IDH3B: variants seen among roughly 807,000 people sequenced by gnomAD.
The protein encoded by IDH3B is isocitrate dehydrogenase (NAD(+)) 3 non-catalytic subunit beta, also known as isocitrate dehydrogenase [NAD] subunit beta, mitochondrial.
IDH3B carries 40 observed loss-of-function variants against 47.5 expected under a neutral mutation model. That is an observed-to-expected ratio of 0.84 (90% CI 0.65 to 1.10). The LOEUF (loss-of-function observed/expected upper bound fraction) is 1.10, where lower values mean the gene tolerates loss of function less well. Among genes scored for constraint, IDH3B ranks in the 50% least tolerant of loss-of-function variants. IDH3B has a pLI of 0.00. For synonymous variants in IDH3B, 185 were observed against 191.0 expected (o/e 0.97, Z 0.26); for missense variants, 450 against 505.2 (o/e 0.89, Z 1.05).
chr20:2,658,748 G>A lies in IDH3B; in HGVS notation c.*3C>T, dbSNP rs761002244. The A allele has an allele frequency of 8.1e-6, 13 of 1,614,078 alleles. No individual in the cohort carries two copies. Among genetic ancestry groups the A allele is most frequent in the Non-Finnish European group, 1.0e-5 (12 of 1,180,050 alleles). ...CTTGCAAGGTTGGAAGAAATAAAGG[G>A]CTCTAGCTCCCTTTAGTCTGCAGGT... On this transcript the variant is annotated 3_prime_UTR_variant, in exon 12 of 12. Coordinates refer to ENST00000380843, the MANE Select transcript of IDH3B (RefSeq NM_006899.5).
At position 2,660,959 on chromosome 20, in the gene IDH3B, A is replaced by G. The variant is rs150756817; in HGVS notation, c.348T>C (p.His116=). The change falls in exon 5 of 12, where the codon CAT becomes CAC. Residue 116 remains histidine (H), a synonymous_variant. Coordinates refer to ENST00000380843, the MANE Select transcript of IDH3B (RefSeq NM_006899.5). The surrounding 1 kb of genome is among the most constrained non-coding windows in gnomAD (Gnocchi z 5.6). ...GCTCCCCCTTATACTCCATCGGGGTATGAATCTTTCCTGTGAAAACAAAGT... is the reference window on the plus strand; with the variant it reads ...GCTCCCCCTTATACTCCATCGGGGTGTGAATCTTTCCTGTGAAAACAAAGT... ...ENKVAIIGKI[H]TPMEYKGELA... is the part of the protein sequence containing the mutation. 31 of 1,613,960 alleles carry G rather than the reference A, an allele frequency of 1.9e-5. No homozygotes were observed. The highest frequency in any genetic ancestry group is 2.7e-5 in the African/African-American group (2 of 74,896).
At position 2,658,437 on chromosome 20, in the gene IDH3B, A is replaced by G; in HGVS notation, c.*314T>C. On this transcript the variant is annotated 3_prime_UTR_variant, in exon 12 of 12. Coordinates refer to ENST00000380843, the MANE Select transcript of IDH3B (RefSeq NM_006899.5). ...TTGAACACCTTACATGGGTATGGACAGGGCCTATGGGTGGGGCAAGGCAGC... is the reference window on the plus strand; with the variant it reads ...TTGAACACCTTACATGGGTATGGACGGGGCCTATGGGTGGGGCAAGGCAGC... The G allele has an allele frequency of 1.2e-6, 2 of 1,614,092 alleles. No homozygotes were observed. The highest frequency in any genetic ancestry group is 1.7e-6 in the Non-Finnish European group (2 of 1,179,958).
intron 11 of IDH3B, 108 bp from the exon 12 acceptor site, chr20:2,658,945 G>GA (rs765642736): frequency 1.9e-6 from 3 of 1,548,534 alleles, no homozygotes; most frequent in East Asian, 4.7e-5. Flanking sequence ...GTGACAGCCA[G>GA]AAAAAAGGCA....
intron 9 of IDH3B, 83 bp downstream of exon 9, chr20:2,659,947 A>G (rs1286605249): frequency 1.9e-6 from 3 of 1,571,740 alleles, no homozygotes; most frequent in Admixed American, 1.7e-5. Flanking sequence ...GGCCAAGATC[A>G]CTTAGGAAGT....
At position 2,658,710 on chromosome 20, in the gene IDH3B, G is replaced by GCA. The variant is rs760785869; in HGVS notation, c.*40_*41insTG. The GCA allele has an allele frequency of 1.5e-5, 25 of 1,614,170 alleles. No individual in the cohort carries two copies. The South Asian group carries it at 2.4e-4, about 16-fold the overall frequency. ...CCTGGTACACTGCACTGAAGGGTAT[G>GCA]GGGAGTGTGGTCCTTGCAAGGTTGG... is the stretch of plus-strand genomic sequence containing the variant. On this transcript the variant is annotated 3_prime_UTR_variant, in exon 12 of 12. Coordinates refer to ENST00000380843, the MANE Select transcript of IDH3B (RefSeq NM_006899.5).
rs2146321981 is a variant in IDH3B, at chr20:2,664,152, C to T, written c.36+1G>A. On this transcript the variant is annotated splice_donor_variant, in intron 1 of 11. Coordinates refer to ENST00000380843, the MANE Select transcript of IDH3B (RefSeq NM_006899.5). LOFTEE classifies it high-confidence loss of function. ...CTGCCCGACATGTCCCGGGGCCTCACTCGGGTCAGCCAGCGGACTCCGCTC... is the reference window on the plus strand; with the variant it reads ...CTGCCCGACATGTCCCGGGGCCTCATTCGGGTCAGCCAGCGGACTCCGCTC... The T allele has an allele frequency of 3.1e-6, 5 of 1,613,482 alleles. No homozygotes were observed. Among genetic ancestry groups the T allele is most frequent in the Non-Finnish European group, 4.2e-6 (5 of 1,179,820 alleles).
chr20:2,658,519 G>A lies in IDH3B; in HGVS notation c.*232C>T, dbSNP rs374080382. 62 of 1,613,752 alleles carry A rather than the reference G, an allele frequency of 3.8e-5. No individual in the cohort carries two copies. Among genetic ancestry groups the A allele is most frequent in the South Asian group, 2.5e-4 (23 of 91,002 alleles). ...GCATAGCCACCCATGTCAGAGGTTC[G>A]AACCTGTGGGGGAGAATCATCATCA... On this transcript the variant is annotated 3_prime_UTR_variant, in exon 12 of 12. Coordinates refer to ENST00000380843, the MANE Select transcript of IDH3B (RefSeq NM_006899.5).
At position 2,659,568 on chromosome 20, in the gene IDH3B, C is replaced by A; in HGVS notation, c.1028G>T (p.Ser343Ile). Residue 343 changes from serine (S) to isoleucine (I), a missense_variant, in exon 11 of 12, where the codon AGC (serine) becomes ATC (isoleucine). Physicochemically the swap from Ser to Ile is moderately radical, Grantham distance 142. Transcript: ENST00000380843. ...LRHLNLEYHSSMIADAVKKVI... is the reference protein window; with the variant it reads ...LRHLNLEYHSIMIADAVKKVI... ...CTTCTTCACCGCATCTGCGATCATG[C>A]TGGAGTGATACTCAAGACTGTGGAT... The A allele has an allele frequency of 6.2e-7, 1 of 1,614,252 alleles. No homozygotes were observed. The highest frequency in any genetic ancestry group is 8.5e-7 in the Non-Finnish European group (1 of 1,180,032).
intron 11 of IDH3B, chr20:2,659,043 G>A (rs2086882341): frequency 6.9e-7 from 1 of 1,445,412 alleles, no homozygotes. Context: ...CTGCAGCCAG[G>A]GCAGGACAGG....
At chr20:2,663,895 A>G in intron 2 of IDH3B, 30 bp downstream of exon 2, 1 of 1,610,976 alleles carries the variant, frequency 6.2e-7, no homozygotes, top group Non-Finnish European at 8.5e-7. Flanking sequence ...ACAGGGTCGT[A>G]AGAGAGACCC....
chr20:2,659,159 C>T (rs977318699), intron 11 of IDH3B: 10 of 1,434,164 alleles, frequency 7.0e-6, no homozygotes, highest in African/African-American at 2.9e-5. Flanking sequence ...AGAATCACAG[C>T]GAAAAGGAGA....
At chr20:2,662,052 G>C (rs930534204) in intron 4 of IDH3B, among the ~76,000 whole-genome samples, 2 of 152,152 alleles carry the variant, frequency 1.3e-5, no homozygotes, top group African/African-American at 4.8e-5. Flanking sequence ...CACCAGAAGA[G>C]GCAAGAAAGG....
rs1202731663 is a variant in IDH3B at position 2,663,450 on chromosome 20, G to C, written c.333C>G (p.Ile111Met). ...GTGGCAAGAGGGCACACATACCAAT[G>C]ATGGCCACTTTGTTCTCCTTCATGG... ...LSSMKENKVA[I>M]IGKIHTPMEY... Residue 111 changes from isoleucine (I) to methionine (M), a missense_variant, in exon 4 of 12, where the codon ATC (isoleucine) becomes ATG (methionine). Physicochemically the swap from Ile to Met is conservative, Grantham distance 10. Transcript: ENST00000380843. The C allele has an allele frequency of 3.1e-6, 5 of 1,614,208 alleles. No homozygotes were observed. In the South Asian group the frequency reaches 3.3e-5, roughly 11 times the overall value.
chr20:2,663,627 G>C (rs1001138607), intron 3 of IDH3B, 33 bp downstream of exon 3: 1 of 1,614,098 alleles, frequency 6.2e-7, no homozygotes, highest in East Asian at 2.2e-5. Flanking sequence ...ACACACTACT[G>C]TCCTCTACTG....
chr20:2,661,357 T>C (rs1327571445), intron 4 of IDH3B, among the ~76,000 whole-genome samples: 1 of 152,186 alleles, frequency 6.6e-6, no homozygotes, highest in Non-Finnish European at 1.5e-5. Flanking sequence ...CCACCACACC[T>C]GGCTAATTTT....
intron 4 of IDH3B, 149 bp downstream of exon 4, chr20:2,663,297 C>T: frequency 1.0e-6 from 1 of 988,580 alleles, no homozygotes; most frequent in Non-Finnish European, 1.6e-6. Context: ...CTCCTGGGCT[C>T]CCAATGGGAA....
intron 4 of IDH3B, among the ~76,000 whole-genome samples, chr20:2,662,887 G>A (rs1168908677): frequency 6.6e-6 from 1 of 152,206 alleles, no homozygotes; most frequent in Admixed American, 6.5e-5. Context: ...AACCCGGGAG[G>A]CAGAGGTTGC....
At position 2,658,604 on chromosome 20, in the gene IDH3B, A is replaced by T; in HGVS notation, c.*147T>A. 6.2e-7 allele frequency: 1 copy of T among 1,612,654 alleles called. No homozygotes were observed. Among genetic ancestry groups the T allele is most frequent in the South Asian group, 1.1e-5 (1 of 90,852 alleles). On this transcript the variant is annotated 3_prime_UTR_variant, in exon 12 of 12. Coordinates refer to ENST00000380843, the MANE Select transcript of IDH3B (RefSeq NM_006899.5). ...ATCACCACCCAACAGTCTGTCCCCT[A>T]AGGAAGCCGGCCCAAGGACAACCTA...
chr20:2,659,719 G>A lies in IDH3B; in HGVS notation c.990C>T (p.Ser330=). 1.2e-6 allele frequency: 2 copies of A among 1,614,092 alleles called. No individual in the cohort carries two copies. The highest frequency in any genetic ancestry group is 1.7e-6 in the Non-Finnish European group (2 of 1,179,952). Residue 330 remains serine (S), a synonymous_variant, in exon 10 of 12, where the codon TCC becomes TCT. Transcript: ENST00000380843. The part of the protein sequence containing the change: ...ANPTAMLLSA[S]NMLRHLNLEY... Reference sequence around the variant, plus strand: ...CCTACTTAAGATGCCGCAGCATGTTGGAAGCCGACAGCAGCATGGCCGTGG... The same window carrying A: ...CCTACTTAAGATGCCGCAGCATGTTAGAAGCCGACAGCAGCATGGCCGTGG...
Sources: gnomAD v4.1 joint callset for allele counts (sites outside exome capture counted in the v4.1 genomes callset) on GRCh38, gnomAD v4.1.1 for gene constraint, Gnocchi (gnomAD v3.1) non-coding constraint, MANE v1.5 for transcripts, NCBI Gene and HGNC (gene_info 2026-07-23, HGNC 2026-07-21) for gene names.